GABRD: variants seen among roughly 807,000 people sequenced by gnomAD.
GABRD encodes the protein gamma-aminobutyric acid receptor subunit delta.
In GABRD, 25 loss-of-function variants were observed where a neutral mutation model predicts 47.3. That is an observed-to-expected ratio of 0.53 (90% CI 0.39 to 0.74). The LOEUF (loss-of-function observed/expected upper bound fraction) is 0.74, where lower values mean the gene tolerates loss of function less well. GABRD is among the 30% of genes least tolerant of loss of function. GABRD has a pLI of 0.00. For missense variants in GABRD, 497 were observed against 643.4 expected (o/e 0.77, Z 2.46); for synonymous variants, 314 against 278.8 (o/e 1.13, Z -1.26).
Position 2,028,173 on chromosome 1 carries a change from A to G in GABRD, c.572A>G (p.Asp191Gly), listed in dbSNP as rs765581066. Reference sequence around the variant, plus strand: ...CCTCCAGACGGTTACTCATCGGAGGACATCGTCTACTACTGGTCGGAGAGC... The same window carrying G: ...CCTCCAGACGGTTACTCATCGGAGGGCATCGTCTACTACTGGTCGGAGAGC... ...DLESYGYSSE[D>G]IVYYWSESQE... is the part of the protein sequence containing the mutation. The change falls in exon 6 of 9, where the codon GAC (aspartate) becomes GGC (glycine). Residue 191 changes from aspartate to glycine, a missense_variant. By Grantham distance (94) the Asp-to-Gly change is moderately conservative. Around this residue, in one of 3 missense-constraint regions of GABRD, gnomAD observed 285 missense variants for 436.6 expected, o/e 0.65. Transcript: ENST00000378585. The surrounding 1 kb of genome is among the most constrained non-coding windows in gnomAD (Gnocchi z 6.4). 1.2e-6 allele frequency: 2 copies of G among 1,611,512 alleles called. No individual in the cohort carries two copies. Among genetic ancestry groups the G allele is most frequent in the African/African-American group, 1.3e-5 (1 of 74,854 alleles).
In GABRD at chr1:2,027,573, G is replaced by A. The variant is rs1658962061; in HGVS notation, c.471-4G>A. 1 of 1,612,714 alleles carries A rather than the reference G, an allele frequency of 6.2e-7. No individual in the cohort carries two copies. The highest frequency in any genetic ancestry group is 1.1e-5 in the South Asian group (1 of 90,786). On this transcript the variant is annotated splice_region_variant and splice_polypyrimidine_tract_variant and intron_variant, in intron 4 of 8. Transcript: ENST00000378585. The stretch of plus-strand genomic sequence containing the variant: ...AGGCCTCACTGCCATGCTTGTCTTG[G>A]CAGAATCACCTCCACTGTGGCCTGC...
intron 1 of GABRD, among the ~76,000 whole-genome samples, chr1:2,020,961 T>G (rs1658755857): frequency 6.6e-6 from 1 of 152,238 alleles, no homozygotes; most frequent in Admixed American, 6.5e-5. Context: ...ACCATTTCCC[T>G]GCTCTAAAAT....
At chr1:2,025,929 G>A (rs1658914089) in intron 4 of GABRD, 191 bp downstream of exon 4, 1 of 603,038 alleles carries the variant, frequency 1.7e-6, no homozygotes, top group Non-Finnish European at 2.9e-6. Flanking sequence ...TCCGCTCCAA[G>A]GTCGCCGACA....
At position 2,029,513 on chromosome 1, in the gene GABRD, G is replaced by A. The variant is rs375250289; in HGVS notation, c.848-38G>A. 10 of 1,606,650 alleles carry A rather than the reference G, an allele frequency of 6.2e-6. No individual in the cohort carries two copies. The African/African-American group carries it at 1.2e-4, about 19-fold the overall frequency. ...CAAGGCTGGGATGGGGCGGCGTGAGGGCAGGGCTACGACAATGGCACCACC... is the reference window on the plus strand; with the variant it reads ...CAAGGCTGGGATGGGGCGGCGTGAGAGCAGGGCTACGACAATGGCACCACC... On this transcript the variant is annotated intron_variant, in intron 7 of 8. Transcript: ENST00000378585.
chr1:2,028,436 C>T lies in GABRD; in HGVS notation c.691+144C>T. On this transcript the variant is annotated intron_variant, in intron 6 of 8. Transcript: ENST00000378585. The surrounding 1 kb of genome is among the most constrained non-coding windows in gnomAD (Gnocchi z 6.4). ...TTTTTAGTCAAGCGCCCGCAGGCCC[C>T]CAGGGCCTCTGGGGATGCAGCTGGG... 1.1e-6 allele frequency: 1 copy of T among 927,182 alleles called. No individual in the cohort carries two copies. The highest frequency in any genetic ancestry group is 1.5e-6 in the Non-Finnish European group (1 of 689,306). 57.4% of individuals were successfully genotyped at this position (927,182 alleles called of 1,614,324 possible). A position where few individuals can be genotyped will look rare whatever the true frequency, so the allele number is the denominator to read the frequency against.
At chr1:2,029,942 C>A in intron 8 of GABRD, 41 bp from the exon 9 acceptor site, 2 of 1,605,674 alleles carry the variant, frequency 1.2e-6, no homozygotes, top group Non-Finnish European at 1.7e-6. Context: ...GGAGCTGCAC[C>A]CCAGTGCTCA....
chr1:2,029,444 T>C (rs1571032397), intron 7 of GABRD, 107 bp from the exon 8 acceptor site: 1 of 1,064,128 alleles, frequency 9.4e-7, no homozygotes, highest in African/African-American at 1.6e-5. Flanking sequence ...GGGGTGGGCA[T>C]GGGGGTGGGG....
At chr1:2,023,665 C>G (rs563523410) in intron 1 of GABRD, 1 of 152,108 alleles carries the variant, frequency 6.6e-6, no homozygotes, top group Non-Finnish European at 1.5e-5. Context: ...CTGGAGGGCT[C>G]GGGCCAGGCT....
intron 5 of GABRD, 64 bp downstream of exon 5, chr1:2,027,723 C>A: frequency 6.9e-7 from 1 of 1,442,496 alleles, no homozygotes; most frequent in Non-Finnish European, 9.7e-7. Flanking sequence ...AGACTGTCAG[C>A]CCGGGGCCTG....
At chr1:2,021,244 G>T (rs1031716259) in intron 1 of GABRD, among the ~76,000 whole-genome samples, 2 of 152,234 alleles carry the variant, frequency 1.3e-5, no homozygotes, top group Non-Finnish European at 2.9e-5. Context: ...CTCCTTTGAG[G>T]TCATCCTGTC....
intron 1 of GABRD, among the ~76,000 whole-genome samples, chr1:2,023,030 A>AG (rs1176343443): frequency 6.6e-6 from 1 of 152,140 alleles, no homozygotes; most frequent in Non-Finnish European, 1.5e-5. Context: ...GGTGGTCCTC[A>AG]GGGGGCCCAG....
rs1450802983 is a variant in GABRD, at chr1:2,023,369, G to C, written c.69-1573G>C. 2.0e-5 allele frequency among the ~76,000 whole-genome samples: 3 copies of C among 152,150 alleles called. No homozygotes were observed. In the East Asian group the frequency reaches 5.8e-4, roughly 30 times the overall value. Reference sequence around the variant, plus strand: ...CTGGTGGCCCGGCCTCAGCTTGACTGTGCCAGACAGGCAGTGTGGAGGGGT... The same window carrying C: ...CTGGTGGCCCGGCCTCAGCTTGACTCTGCCAGACAGGCAGTGTGGAGGGGT... On this transcript the variant is annotated intron_variant, in intron 1 of 8. Transcript: ENST00000378585.
At position 2,030,380 on chromosome 1, in the gene GABRD, C is replaced by A; in HGVS notation, c.*98C>A. ...AGCCCTCGGGCTGCCTTCCCCTCTGCGTGTTTCGAAGTGGGATGACAGTCG... is the reference window on the plus strand; with the variant it reads ...AGCCCTCGGGCTGCCTTCCCCTCTGAGTGTTTCGAAGTGGGATGACAGTCG... On this transcript the variant is annotated 3_prime_UTR_variant, in exon 9 of 9. Transcript: ENST00000378585. 1 of 1,125,370 alleles carries A rather than the reference C, an allele frequency of 8.9e-7. No individual in the cohort carries two copies. The highest frequency in any genetic ancestry group is 1.2e-6 in the Non-Finnish European group (1 of 827,202). 69.7% of individuals were successfully genotyped at this position (1,125,370 alleles called of 1,614,324 possible). A position where few individuals can be genotyped will look rare whatever the true frequency, so the allele number is the denominator to read the frequency against.
chr1:2,023,127 C>T (rs567313694), intron 1 of GABRD, among the ~76,000 whole-genome samples: 19 of 152,216 alleles, frequency 1.2e-4, no homozygotes, highest in African/African-American at 4.1e-4. Context: ...CAGCATCCTT[C>T]CCAGTGTTTC....
At chr1:2,022,646 A>C (rs1658811656) in intron 1 of GABRD, among the ~76,000 whole-genome samples, 1 of 152,238 alleles carries the variant, frequency 6.6e-6, no homozygotes, top group African/African-American at 2.4e-5. Flanking sequence ...TTTGCGTCCG[A>C]CCTTCAAGGC....
chr1:2,021,096 C>T (rs904087336), intron 1 of GABRD, among the ~76,000 whole-genome samples: 13 of 152,198 alleles, frequency 8.5e-5, no homozygotes, highest in African/African-American at 3.1e-4. Context: ...GGCCTCTGGG[C>T]CTGCAGTCAC....
chr1:2,029,843 G>T, intron 8 of GABRD, 81 bp downstream of exon 8: 1 of 1,513,852 alleles, frequency 6.6e-7, no homozygotes. Flanking sequence ...CCCACTGTGG[G>T]TCCCAGCTGT....
Position 2,028,416 on chromosome 1 carries a change from AG to A in GABRD, c.691+125del. On this transcript the variant is annotated intron_variant, in intron 6 of 8. Coordinates refer to ENST00000378585, the MANE Select transcript of GABRD (RefSeq NM_000815.5). This position sits in a 1 kb window ranked among gnomAD's most constrained non-coding sequence, Gnocchi z 6.4. ...CCCGCCTGTGGTTTTCATGCTTTTT[AG>A]TCAAGCGCCCGCAGGCCCCCAGGGC... 1 of 1,135,386 alleles carries A rather than the reference AG, an allele frequency of 8.8e-7. No homozygotes were observed. Among genetic ancestry groups the A allele is most frequent in the Non-Finnish European group, 1.1e-6 (1 of 882,144 alleles). 70.3% of individuals were successfully genotyped at this position (1,135,386 alleles called of 1,614,324 possible). A position where few individuals can be genotyped will look rare whatever the true frequency, so the allele number is the denominator to read the frequency against.
Position 2,030,354 on chromosome 1 carries a change from G to A in GABRD, c.*72G>A. On this transcript the variant is annotated 3_prime_UTR_variant, in exon 9 of 9. Coordinates refer to ENST00000378585, the MANE Select transcript of GABRD (RefSeq NM_000815.5). Reference sequence around the variant, plus strand: ...CTGCCCAGAAACTTCCTGGGAGAAAGAGCCCTCGGGCTGCCTTCCCCTCTG... The same window carrying A: ...CTGCCCAGAAACTTCCTGGGAGAAAAAGCCCTCGGGCTGCCTTCCCCTCTG... The A allele has an allele frequency of 2.2e-6, 3 of 1,371,994 alleles. No homozygotes were observed. The East Asian group carries it at 7.6e-5, about 35-fold the overall frequency. The allele number at this position is 1,371,994 out of a possible 1,614,324, so 85.0% of individuals were successfully genotyped here.
Sources: gnomAD v4.1 joint callset for allele counts (sites outside exome capture counted in the v4.1 genomes callset) on GRCh38, gnomAD v4.1.1 for gene constraint, gnomAD v4.1.1 regional missense constraint, Gnocchi (gnomAD v3.1) non-coding constraint, MANE v1.5 for transcripts, NCBI Gene and HGNC (gene_info 2026-07-23, HGNC 2026-07-21) for gene names.